PTPRD: variants seen among roughly 807,000 people sequenced by gnomAD.
PTPRD encodes the protein protein tyrosine phosphatase receptor type D, also known as receptor-type tyrosine-protein phosphatase delta.
In PTPRD, 34 loss-of-function variants were observed where a neutral mutation model predicts 214.5. That is an observed-to-expected ratio of 0.16 (90% confidence interval 0.12 to 0.21). The LOEUF is 0.21. Among genes scored for constraint, PTPRD ranks in the 10% least tolerant of loss-of-function variants. The pLI is 1.00. For missense variants in PTPRD, 2,545 were observed against 2,398.7 expected, an observed-to-expected ratio of 1.06 and a Z score of -1.27; for synonymous variants, 1,128 against 845.7, an observed-to-expected ratio of 1.33 and a Z score of -5.79.
intron 9 of PTPRD, among the ~76,000 whole-genome samples, chr9:9,356,847 C>A (rs1045205026): frequency 3.4e-4 from 52 of 151,478 alleles, no homozygotes; most frequent in African/African-American, 1.2e-3. Flanking sequence ...CAAAAACATT[C>A]CCTGAATTTC....
rs747633196 is a variant in PTPRD at position 8,433,975 on chromosome 9, A to ATTTG, written c.4086+2613_4086+2616dup. On this transcript the variant is annotated intron_variant, in intron 35 of 45. Coordinates refer to ENST00000381196, the MANE Select transcript of PTPRD (RefSeq NM_002839.4). The stretch of plus-strand genomic sequence containing the variant: ...GCTAAGTGTCCTACATAGGGGCACC[A>ATTTG]TTTGTTTGTTTGCTTGTTTGTTTGT... 1.3e-3 allele frequency among the ~76,000 whole-genome samples: 198 copies of ATTTG among 148,156 alleles called. 1 individual carries two copies. Among genetic ancestry groups the ATTTG allele is most frequent in the South Asian group, 7.7e-3 (36 of 4,662 alleles).
intron 11 of PTPRD, among the ~76,000 whole-genome samples, chr9:8,822,359 A>C (rs1449588840): frequency 7.2e-5 from 11 of 152,214 alleles, no homozygotes; most frequent in Non-Finnish European, 1.5e-4. Flanking sequence ...AGGCTATAAG[A>C]ACTGGAAATA....
intron 8 of PTPRD, among the ~76,000 whole-genome samples, chr9:9,552,298 A>G (rs1325824913): frequency 6.6e-6 from 1 of 151,974 alleles, no homozygotes; most frequent in African/African-American, 2.4e-5. Flanking sequence ...TTTTAATTTC[A>G]AGTCAGTCAT....
intron 4 of PTPRD, among the ~76,000 whole-genome samples, chr9:9,955,627 C>T (rs1405718806): frequency 6.6e-6 from 1 of 151,758 alleles, no homozygotes; most frequent in South Asian, 2.1e-4. Flanking sequence ...AGGTTCACGC[C>T]ATTCTCCTGC....
chr9:10,011,730 T>A (rs2096604155), intron 4 of PTPRD, among the ~76,000 whole-genome samples: 1 of 152,016 alleles, frequency 6.6e-6, no homozygotes, highest in Non-Finnish European at 1.5e-5. Context: ...GATTACAAGT[T>A]TGAGAAGAAT....
At chr9:8,753,736 T>G (rs765345364) in intron 11 of PTPRD, among the ~76,000 whole-genome samples, 6 of 152,156 alleles carry the variant, frequency 3.9e-5, no homozygotes, top group Non-Finnish European at 7.3e-5. Context: ...TATAAAACAC[T>G]AAAAATGTAA....
intron 33 of PTPRD, chr9:8,454,615 A>T (rs1249026949): frequency 6.2e-7 from 1 of 1,611,974 alleles, no homozygotes; most frequent in Non-Finnish European, 8.5e-7. Context: ...ATGCAGCAAA[A>T]AAAGGAAAAA....
At chr9:8,389,192 G>A (rs2088491293) in intron 37 of PTPRD, 40 bp downstream of exon 37, 1 of 1,551,538 alleles carries the variant, frequency 6.4e-7, no homozygotes, top group Non-Finnish European at 8.7e-7. Flanking sequence ...GACTCTGAGG[G>A]AAAATTTTTA....
intron 11 of PTPRD, among the ~76,000 whole-genome samples, chr9:8,879,711 C>T (rs551038657): frequency 6.6e-6 from 1 of 152,276 alleles, no homozygotes; most frequent in South Asian, 2.1e-4. Context: ...CTGCTAACTG[C>T]TTTCCATTTG....
At chr9:9,388,285 A>C (rs1569567904) in intron 9 of PTPRD, among the ~76,000 whole-genome samples, 1 of 152,020 alleles carries the variant, frequency 6.6e-6, no homozygotes, top group African/African-American at 2.4e-5. Flanking sequence ...AAAATGCAAC[A>C]TTTGGGCACA....
At chr9:9,116,599 T>C (rs2099812560) in intron 10 of PTPRD, among the ~76,000 whole-genome samples, 1 of 152,168 alleles carries the variant, frequency 6.6e-6, no homozygotes, top group South Asian at 2.1e-4. Flanking sequence ...AAACCATTTG[T>C]ATCCCTAAAG....
chr9:9,047,061 A>G (rs1416466396), intron 10 of PTPRD, among the ~76,000 whole-genome samples: 1 of 152,194 alleles, frequency 6.6e-6, no homozygotes, highest in East Asian at 1.9e-4. Flanking sequence ...TAAATTCAGT[A>G]AAGTTGCAGA....
chr9:9,896,123 A>G (rs1365238387), intron 5 of PTPRD, among the ~76,000 whole-genome samples: 1 of 151,980 alleles, frequency 6.6e-6, no homozygotes, highest in Non-Finnish European at 1.5e-5. Context: ...TTTACAAATG[A>G]AGGGAGCTGA....
intron 11 of PTPRD, among the ~76,000 whole-genome samples, chr9:8,756,808 T>C (rs2094020829): frequency 6.6e-6 from 1 of 152,252 alleles, no homozygotes; most frequent in African/African-American, 2.4e-5. Flanking sequence ...AGAAATTGTT[T>C]AGTGATAAAG....
At chr9:10,097,285 G>T (rs1460815172) in intron 3 of PTPRD, among the ~76,000 whole-genome samples, 101 of 137,522 alleles carry the variant, frequency 7.3e-4, no homozygotes, top group African/African-American at 2.8e-3. Flanking sequence ...AAAGTCATTG[G>T]TAGCTTGATG....
At chr9:9,986,181 G>T (rs958689077) in intron 4 of PTPRD, among the ~76,000 whole-genome samples, 16 of 152,124 alleles carry the variant, frequency 1.1e-4, no homozygotes, top group Admixed American at 5.9e-4. Flanking sequence ...TTGGTACAAA[G>T]TTCTGTAGAA....
rs186778666 is a variant in PTPRD at position 9,207,362 on chromosome 9, G to C, written c.-202-23999C>G. Among the ~76,000 whole-genome samples the C allele has an allele frequency of 2.4e-4, 36 of 152,214 alleles. 3 individuals are homozygous for C. The highest frequency in any genetic ancestry group is 1.9e-3 in the Admixed American group (29 of 15,280). On this transcript the variant is annotated intron_variant, in intron 9 of 45. Coordinates refer to ENST00000381196, the MANE Select transcript of PTPRD (RefSeq NM_002839.4). ...ATTCGGGGTGCAGATGTTACTTTGA[G>C]AGATGTCAGTAAATGAACTGCCTTT...
Position 10,478,587 on chromosome 9 carries a change from T to G in PTPRD, c.-600+133811A>C, listed in dbSNP as rs142164040. Among the ~76,000 whole-genome samples, 1,111 of 152,246 alleles carry G rather than the reference T, an allele frequency of 7.3e-3. 14 individuals are homozygous for G. The highest frequency in any genetic ancestry group is 0.025 in the African/African-American group (1,037 of 41,564). On this transcript the variant is annotated intron_variant, in intron 2 of 45. Coordinates refer to ENST00000381196, the MANE Select transcript of PTPRD (RefSeq NM_002839.4). ...AACATATCTTATTACATTAGTGAAC[T>G]AGAGAAGTAGTTCAGTTTGTCTGAT...
chr9:10,526,054 T>G (rs979697212), intron 2 of PTPRD, among the ~76,000 whole-genome samples: 1 of 152,094 alleles, frequency 6.6e-6, no homozygotes, highest in African/African-American at 2.4e-5. Context: ...TCTGACCTAG[T>G]GGGTGTTGTA....
Sources: gnomAD v4.1 joint callset for allele counts (sites outside exome capture counted in the v4.1 genomes callset) on GRCh38, gnomAD v4.1.1 for gene constraint, MANE v1.5 for transcripts, NCBI Gene and HGNC (gene_info 2026-07-23, HGNC 2026-07-21) for gene names.